Variants in BSN observed in about 807,000 individuals in gnomAD.
The protein encoded by BSN is bassoon presynaptic cytomatrix protein.
In BSN, 57 loss-of-function variants were observed where a neutral mutation model predicts 264.8. The ratio of observed to expected loss-of-function variants is 0.22; its 90% CI spans 0.17 to 0.27. The LOEUF (loss-of-function observed/expected upper bound fraction) is 0.27. Among genes scored for constraint, BSN ranks in the 10% least tolerant of loss-of-function variants. The pLI, the probability that BSN is intolerant of heterozygous loss-of-function variation, is 1.00. For missense variants in BSN, 4,615 were observed against 5,232.5 expected, an observed-to-expected ratio of 0.88 and a Z score of 3.64; for synonymous variants, 2,059 against 2,137.3, an observed-to-expected ratio of 0.96 and a Z score of 1.01.
rs139801871 is a variant in BSN, at chr3:49,587,761, T to C, written c.224+32935T>C. On this transcript the variant is annotated intron_variant, in intron 1 of 11. Transcript: ENST00000296452. The stretch of plus-strand genomic sequence containing the variant: ...CAGAGGCTGAAGTGAAGTTACAAAG[T>C]TACACCCTATGCAAATGTCTGATTG... Among the ~76,000 whole-genome samples, 417 of 152,160 alleles carry C rather than the reference T, an allele frequency of 2.7e-3. 3 individuals are homozygous for C. Among genetic ancestry groups the C allele is most frequent in the African/African-American group, 9.3e-3 (387 of 41,522 alleles).
chr3:49,590,610 C>T lies in BSN; in HGVS notation c.225-34365C>T, dbSNP rs2051970891. Among the ~76,000 whole-genome samples, 4 of 152,054 alleles carry T rather than the reference C, an allele frequency of 2.6e-5. No homozygotes were observed. In the South Asian group the frequency reaches 8.3e-4, roughly 32 times the overall value. On this transcript the variant is annotated intron_variant, in intron 1 of 11. Coordinates refer to ENST00000296452, the MANE Select transcript of BSN (RefSeq NM_003458.4). Reference sequence around the variant, plus strand: ...ACAATCTACTTCAAATTAATGCTAACTTAATTCCAGTGAAATATAGAAACT... The same window carrying T: ...ACAATCTACTTCAAATTAATGCTAATTTAATTCCAGTGAAATATAGAAACT...
At chr3:49,609,160 G>A (rs547252226) in intron 1 of BSN, among the ~76,000 whole-genome samples, 5 of 149,470 alleles carry the variant, frequency 3.3e-5, no homozygotes, top group Admixed American at 1.3e-4. Context: ...AGAGCACAGT[G>A]GTGCAATCAT....
rs750792473 is a variant in BSN, at chr3:49,657,436, G to A, written c.7880G>A (p.Arg2627His). 28 of 1,612,690 alleles carry A rather than the reference G, an allele frequency of 1.7e-5. No individual in the cohort carries two copies. The African/African-American group carries it at 1.9e-4, about 11-fold the overall frequency. The change falls in exon 5 of 12, where the codon CGC (arginine) becomes CAC (histidine). Residue 2627 changes from arginine to histidine, a missense_variant. Arg to His is a conservative substitution (Grantham distance 29, BLOSUM62 0). This residue lies in a region of BSN where 3,415 missense variants were observed against 3,866.4 expected (regional missense o/e 0.88). Transcript: ENST00000296452. ...EDSAEWEQPV[R>H]RRRSRLPRHS... ...AGTGCTGAGTGGGAGCAGCCAGTGC[G>A]CCGCCGCAGGTCTCGTCTTCCCCGC...
Position 49,663,315 on chromosome 3 carries a change from T to C in BSN, c.11157T>C (p.Ser3719=). 1 of 1,614,034 alleles carries C rather than the reference T, an allele frequency of 6.2e-7. No homozygotes were observed. Among genetic ancestry groups the C allele is most frequent in the Non-Finnish European group, 8.5e-7 (1 of 1,180,022 alleles). Residue 3719 remains serine, a synonymous_variant, in exon 7 of 12, where the codon TCT becomes TCC. Coordinates refer to ENST00000296452, the MANE Select transcript of BSN (RefSeq NM_003458.4). ...CTTCATCCGCATACCATCATGCCTC[T>C]GACAGCAAGAAGGGCTCCCGGCAAG... ...SRASSAYHHA[S]DSKKGSRQAH... is the part of the protein sequence containing the mutation.
chr3:49,662,802 T>G, intron 6 of BSN, 74 bp from the exon 7 acceptor site: 2 of 1,503,552 alleles, frequency 1.3e-6, no homozygotes, highest in Non-Finnish European at 1.8e-6. Flanking sequence ...CTTGGTTTCT[T>G]TGCATGGCTT....
intron 1 of BSN, among the ~76,000 whole-genome samples, chr3:49,624,300 C>CCTTTTTTTTCTTTT (rs2052326362): frequency 1.5e-5 from 1 of 67,184 alleles, no homozygotes; most frequent in Non-Finnish European, 2.7e-5. Flanking sequence ...CGTGCCCAGC[C>CCTTTTTTTTCTTTT]TTTTTTTTTT....
Position 49,656,652 on chromosome 3 carries a change from C to T in BSN, c.7096C>T (p.Arg2366Trp), listed in dbSNP as rs752861640. Residue 2366 changes from arginine to tryptophan, a missense_variant, in exon 5 of 12, where the codon CGG becomes TGG. Coordinates refer to ENST00000296452, the MANE Select transcript of BSN (RefSeq NM_003458.4). ...KEEASQEERQ[R>W]KQQEQLLQLE... ...GGAAGCATCACAGGAGGAGAGGCAGCGGAAGCAACAGGAGCAGCTGCTCCA... is the reference window on the plus strand; with the variant it reads ...GGAAGCATCACAGGAGGAGAGGCAGTGGAAGCAACAGGAGCAGCTGCTCCA... 4.4e-6 allele frequency: 7 copies of T among 1,608,062 alleles called. No individual in the cohort carries two copies. Among genetic ancestry groups the T allele is most frequent in the Non-Finnish European group, 2.5e-6 (3 of 1,177,506 alleles).
chr3:49,624,173 TG>T (rs1470214819), intron 1 of BSN, among the ~76,000 whole-genome samples: 2 of 151,750 alleles, frequency 1.3e-5, no homozygotes, highest in Non-Finnish European at 2.9e-5. Context: ...GCTAATTTTT[TG>T]TATTTTTAGT....
Position 49,661,845 on chromosome 3 carries a change from T to G in BSN, c.10000T>G (p.Tyr3334Asp). The G allele has an allele frequency of 1.9e-6, 3 of 1,613,512 alleles. No homozygotes were observed. The highest frequency in any genetic ancestry group is 2.5e-6 in the Non-Finnish European group (3 of 1,180,034). ...CAGGCATGGGGCTCGAGTAGAGAAGTATGGTCCAGGGCCCATGGGGCCCAA... is the reference window on the plus strand; with the variant it reads ...CAGGCATGGGGCTCGAGTAGAGAAGGATGGTCCAGGGCCCATGGGGCCCAA... ...DYRHGARVEK[Y>D]GPGPMGPKHP... Residue 3334 changes from tyrosine (Y) to aspartate (D), a missense_variant, in exon 6 of 12, where the codon TAT (tyrosine) becomes GAT (aspartate). Transcript: ENST00000296452.
intron 1 of BSN, among the ~76,000 whole-genome samples, chr3:49,616,374 A>C (rs1297654035): frequency 6.6e-6 from 1 of 152,098 alleles, no homozygotes; most frequent in Non-Finnish European, 1.5e-5. Context: ...CTCAAAGGAG[A>C]GGGTCCTCCC....
Position 49,660,801 on chromosome 3 carries a change from C to G in BSN, c.8956C>G (p.Arg2986Gly), listed in dbSNP as rs762365279. The change falls in exon 6 of 12, where the codon CGC becomes GGC. Residue 2986 changes from arginine (R) to glycine (G), a missense_variant. Around this residue, in one of 3 missense-constraint regions of BSN, gnomAD observed 3,415 missense variants for 3,866.4 expected, o/e 0.88. Coordinates refer to ENST00000296452, the MANE Select transcript of BSN (RefSeq NM_003458.4). This position sits in a 1 kb window ranked among gnomAD's most constrained non-coding sequence, Gnocchi z 7.1. ...GTACCTGGAGTTGGGTATCACACAA[C>G]GCAAAGAGTCTTTGGCCAAAGACCG... ...LKYLELGITQ[R>G]KESLAKDRGG... 1 of 1,613,158 alleles carries G rather than the reference C, an allele frequency of 6.2e-7. No homozygotes were observed. Among genetic ancestry groups the G allele is most frequent in the Non-Finnish European group, 8.5e-7 (1 of 1,180,024 alleles).
rs1207288882 is a variant in BSN at position 49,663,154 on chromosome 3, G to A, written c.10996G>A (p.Ala3666Thr). ...CACTGGTGAGGAGCCGGGACGGCGTGCTGCCAAACCACACGCTCGGGACCT... is the reference window on the plus strand; with the variant it reads ...CACTGGTGAGGAGCCGGGACGGCGTACTGCCAAACCACACGCTCGGGACCT... ...RHTGEEPGRR[A>T]AKPHARDLGR... Residue 3666 changes from alanine to threonine, a missense_variant, in exon 7 of 12, where the codon GCT (alanine) becomes ACT (threonine). By Grantham distance (58) the Ala-to-Thr change is moderately conservative. Transcript: ENST00000296452. 1.2e-6 allele frequency: 2 copies of A among 1,612,928 alleles called. No homozygotes were observed. The highest frequency in any genetic ancestry group is 2.2e-5 in the East Asian group (1 of 44,866).
intron 1 of BSN, among the ~76,000 whole-genome samples, chr3:49,571,709 A>T (rs1246115063): frequency 6.6e-6 from 1 of 152,132 alleles, no homozygotes; most frequent in African/African-American, 2.4e-5. Context: ...CATGGGGGAT[A>T]ACTCTGTAAA....
At position 49,661,650 on chromosome 3, in the gene BSN, C is replaced by A; in HGVS notation, c.9805C>A (p.Pro3269Thr). 1 of 1,613,652 alleles carries A rather than the reference C, an allele frequency of 6.2e-7. No homozygotes were observed. The highest frequency in any genetic ancestry group is 8.5e-7 in the Non-Finnish European group (1 of 1,180,044). The change falls in exon 6 of 12, where the codon CCT (proline) becomes ACT (threonine). Residue 3269 changes from proline (P) to threonine (T), a missense_variant. Pro to Thr is a conservative substitution (Grantham distance 38). Transcript: ENST00000296452. Reference sequence around the variant, plus strand: ...CAGCAGTGGGCGTCCAGGGAAGGAGCCTGGAGAACCAGGTGTCCTTGACGG... The same window carrying A: ...CAGCAGTGGGCGTCCAGGGAAGGAGACTGGAGAACCAGGTGTCCTTGACGG... ...PGSSGRPGKE[P>T]GEPGVLDGPT...
rs1396650551 is a variant in BSN at position 49,585,271 on chromosome 3, C to T, written c.224+30445C>T. Among the ~76,000 whole-genome samples, 4 of 151,646 alleles carry T rather than the reference C, an allele frequency of 2.6e-5. No individual in the cohort carries two copies. The highest frequency in any genetic ancestry group is 1.9e-4 in the East Asian group (1 of 5,180). On this transcript the variant is annotated intron_variant, in intron 1 of 11. Coordinates refer to ENST00000296452, the MANE Select transcript of BSN (RefSeq NM_003458.4). This position sits in a 1 kb window ranked among gnomAD's most constrained non-coding sequence, Gnocchi z 4.7. ...TGTCTAGGTCAAGGAAAGAGGAGAT[C>T]GTGGGTGGGGAAACAGACTGAGGGA... is the stretch of plus-strand genomic sequence containing the variant.
chr3:49,633,652 C>A (rs544187232), intron 2 of BSN, among the ~76,000 whole-genome samples: 2 of 152,256 alleles, frequency 1.3e-5, no homozygotes, highest in South Asian at 4.1e-4. Flanking sequence ...GCATTTTTCA[C>A]AATAGCTAAA....
rs531326005 is a variant in BSN at position 49,661,036 on chromosome 3, C to T, written c.9191C>T (p.Ser3064Phe). Residue 3064 changes from serine to phenylalanine, a missense_variant, in exon 6 of 12, where the codon TCT (serine) becomes TTT (phenylalanine). By Grantham distance (155) the Ser-to-Phe change is radical (BLOSUM62 -2). Transcript: ENST00000296452. ...TTCCAGCCTCCAGCCCCACAGTATT[C>T]TGCAGGCAGTGGTGGGCCAACTCAG... is the stretch of plus-strand genomic sequence containing the variant. Reference protein sequence around the residue: ...PRFQPPAPQYSAGSGGPTQNG... With the variant: ...PRFQPPAPQYFAGSGGPTQNG... 1 of 1,611,526 alleles carries T rather than the reference C, an allele frequency of 6.2e-7. No homozygotes were observed. Among genetic ancestry groups the T allele is most frequent in the East Asian group, 2.2e-5 (1 of 44,884 alleles).
At chr3:49,633,598 A>G (rs1349810902) in intron 2 of BSN, among the ~76,000 whole-genome samples, 4 of 152,236 alleles carry the variant, frequency 2.6e-5, no homozygotes, top group Admixed American at 2.0e-4. Context: ...AATGAATTGA[A>G]AGGAAGGTCT....
chr3:49,655,227 G>A lies in BSN; in HGVS notation c.5671G>A (p.Gly1891Arg), dbSNP rs775872200. The A allele has an allele frequency of 1.5e-5, 24 of 1,612,964 alleles. No individual in the cohort carries two copies. The highest frequency in any genetic ancestry group is 1.9e-5 in the Non-Finnish European group (23 of 1,179,946). ...GCCTGCGGGTGCCCTGGACCTTACCGGGATGAGGCCTGAGAGCCAGCTGGC... is the reference window on the plus strand; with the variant it reads ...GCCTGCGGGTGCCCTGGACCTTACCAGGATGAGGCCTGAGAGCCAGCTGGC... The part of the protein sequence containing the change: ...EEPAGALDLT[G>R]MRPESQLACC... Residue 1891 changes from glycine (G) to arginine (R), a missense_variant, in exon 5 of 12, where the codon GGG becomes AGG. Gly to Arg is a moderately radical substitution (Grantham distance 125). Coordinates refer to ENST00000296452, the MANE Select transcript of BSN (RefSeq NM_003458.4).
Sources: allele counts gnomAD v4.1 joint callset (sites outside exome capture counted in the v4.1 genomes callset), GRCh38; gene constraint gnomAD v4.1.1; regional missense constraint gnomAD v4.1.1; non-coding constraint Gnocchi (gnomAD v3.1); transcripts MANE v1.5; gene names NCBI Gene and HGNC (gene_info 2026-07-23, HGNC 2026-07-21).